CLEC16A: variants seen among roughly 807,000 people sequenced by gnomAD.
CLEC16A encodes the protein protein CLEC16A.
CLEC16A carries 51 observed loss-of-function variants against 109.5 expected under a neutral mutation model. That is an observed-to-expected ratio of 0.47 (90% CI 0.37 to 0.59). The LOEUF (loss-of-function observed/expected upper bound fraction) is 0.59. Among genes scored for constraint, CLEC16A ranks in the 20% least tolerant of loss-of-function variants. The pLI is 0.00. For synonymous variants in CLEC16A, 673 were observed against 564.2 expected, an observed-to-expected ratio of 1.19 and a Z score of -2.73; for missense variants, 1,339 against 1,394.0, an observed-to-expected ratio of 0.96 and a Z score of 0.63.
Position 11,178,530 on chromosome 16 carries a change from C to G in CLEC16A, c.3002C>G (p.Thr1001Arg). ...CTGCTCTGCGAGGACACGGCTGACA[C>G]GCTGAGCGTCGAATCGCTGACCCTT... ...ISLLCEDTAD[T>R]LSVESLTLVP... The change falls in exon 24 of 24, where the codon ACG becomes AGG. Residue 1001 changes from threonine to arginine, a missense_variant. Transcript: ENST00000409790. The surrounding 1 kb of genome is among the most constrained non-coding windows in gnomAD (Gnocchi z 6.5). The G allele has an allele frequency of 6.2e-7, 1 of 1,613,204 alleles. No homozygotes were observed.
chr16:11,148,172 G>C (rs115011950), intron 22 of CLEC16A, among the ~76,000 whole-genome samples: 2 of 152,190 alleles, frequency 1.3e-5, no homozygotes, highest in Non-Finnish European at 2.9e-5. Flanking sequence ...TGAGTAGTTC[G>C]TGTTGTGGAT....
intron 10 of CLEC16A, among the ~76,000 whole-genome samples, chr16:10,989,316 G>T (rs994143292): frequency 6.6e-6 from 1 of 152,128 alleles, no homozygotes; most frequent in Non-Finnish European, 1.5e-5. Context: ...AGCCTCCCCA[G>T]GTCAAACGAT....
intron 11 of CLEC16A, among the ~76,000 whole-genome samples, chr16:11,015,067 A>C (rs1169005326): frequency 6.6e-6 from 1 of 152,220 alleles, no homozygotes; most frequent in Non-Finnish European, 1.5e-5. Context: ...TGGCAGACCT[A>C]TAAGGGTTGT....
At chr16:11,136,907 G>T (rs190075142) in intron 22 of CLEC16A, among the ~76,000 whole-genome samples, 1 of 152,308 alleles carries the variant, frequency 6.6e-6, no homozygotes, top group African/African-American at 2.4e-5. Context: ...TCATTCCTCA[G>T]TGCCCAGTGT....
At chr16:11,092,263 G>A (rs2050345405) in intron 19 of CLEC16A, among the ~76,000 whole-genome samples, 1 of 151,998 alleles carries the variant, frequency 6.6e-6, no homozygotes, top group African/African-American at 2.4e-5. Flanking sequence ...AGGATCGCTT[G>A]AGCCCAGCAG....
At chr16:11,131,503 C>T (rs775784931) in intron 22 of CLEC16A, among the ~76,000 whole-genome samples, 2 of 152,214 alleles carry the variant, frequency 1.3e-5, no homozygotes, top group Non-Finnish European at 2.9e-5. Flanking sequence ...GAGCTGCTTA[C>T]AGGTGTTACC....
chr16:11,003,083 A>G lies in CLEC16A; in HGVS notation c.1081A>G (p.Ser361Gly), dbSNP rs745883424. 2.5e-6 allele frequency: 4 copies of G among 1,611,042 alleles called. No homozygotes were observed. The highest frequency in any genetic ancestry group is 3.4e-6 in the Non-Finnish European group (4 of 1,178,982). ...QDIQRSSAKP[S>G]IRCFIKPTET... ...CGTTGGACTTTCCTAGGCCAAGCCC[A>G]GCATTCGGTGCTTCATTAAACCCAC... is the stretch of plus-strand genomic sequence containing the variant. Residue 361 changes from serine (S) to glycine (G), a missense_variant, in exon 11 of 24, where the codon AGC becomes GGC. Around this residue, in one of 3 missense-constraint regions of CLEC16A, gnomAD observed 1,061 missense variants for 1,006.8 expected, o/e 1.05. Coordinates refer to ENST00000409790, the MANE Select transcript of CLEC16A (RefSeq NM_015226.3).
chr16:11,138,859 A>G (rs767984820), intron 22 of CLEC16A, among the ~76,000 whole-genome samples: 1 of 152,024 alleles, frequency 6.6e-6, no homozygotes, highest in Non-Finnish European at 1.5e-5. Flanking sequence ...GTGGTGGCCA[A>G]TTTTTTGTCC....
intron 19 of CLEC16A, among the ~76,000 whole-genome samples, chr16:11,092,564 A>G (rs2050374966): frequency 6.6e-6 from 1 of 152,182 alleles, no homozygotes; most frequent in Non-Finnish European, 1.5e-5. Flanking sequence ...AAAAAAGCCC[A>G]TGCTTAAACC....
chr16:11,104,962 C>T (rs571653752), intron 19 of CLEC16A, among the ~76,000 whole-genome samples: 48 of 152,254 alleles, frequency 3.2e-4, no homozygotes, highest in African/African-American at 1.1e-3. Context: ...TGCTGAACAG[C>T]GGGGAAGAGG....
At chr16:11,082,840 G>A (rs868278291) in intron 19 of CLEC16A, among the ~76,000 whole-genome samples, 1 of 152,188 alleles carries the variant, frequency 6.6e-6, no homozygotes, top group East Asian at 1.9e-4. Flanking sequence ...GTGTGTGGGC[G>A]TGGGGTTATA....
chr16:10,947,368 C>T (rs1596687523), intron 1 of CLEC16A, among the ~76,000 whole-genome samples: 1 of 152,118 alleles, frequency 6.6e-6, no homozygotes, highest in African/African-American at 2.4e-5. Context: ...GTGGGGGAGA[C>T]AGCTGTAGAG....
chr16:11,178,927 G>A lies in CLEC16A; in HGVS notation c.*237G>A. 1 of 475,510 alleles carries A rather than the reference G, an allele frequency of 2.1e-6. No homozygotes were observed. The highest frequency in any genetic ancestry group is 3.7e-6 in the Non-Finnish European group (1 of 271,100). 29.5% of individuals were successfully genotyped at this position (475,510 alleles called of 1,614,324 possible). On this transcript the variant is annotated 3_prime_UTR_variant, in exon 24 of 24. Transcript: ENST00000409790. This position sits in a 1 kb window ranked among gnomAD's most constrained non-coding sequence, Gnocchi z 6.5. Reference sequence around the variant, plus strand: ...GACCAGCGGAGACACCGCGGCGAATGCAGATGACTGCACCGGCCACTCAGG... The same window carrying A: ...GACCAGCGGAGACACCGCGGCGAATACAGATGACTGCACCGGCCACTCAGG...
At position 11,013,306 on chromosome 16, in the gene CLEC16A, C is replaced by T. The variant is rs549752644; in HGVS notation, c.1304-6887C>T. On this transcript the variant is annotated intron_variant, in intron 11 of 23. Coordinates refer to ENST00000409790, the MANE Select transcript of CLEC16A (RefSeq NM_015226.3). Reference sequence around the variant, plus strand: ...TCTGAGCATCCTTCCTTTCCCCATTCAGAGTGGATTTGGTATTCATTTAAA... The same window carrying T: ...TCTGAGCATCCTTCCTTTCCCCATTTAGAGTGGATTTGGTATTCATTTAAA... Among the ~76,000 whole-genome samples, 36 of 152,290 alleles carry T rather than the reference C, an allele frequency of 2.4e-4. No individual in the cohort carries two copies. In the South Asian group the frequency reaches 3.9e-3, roughly 17 times the overall value.
chr16:11,041,969 C>G (rs1429033063), intron 14 of CLEC16A: 2 of 347,830 alleles, frequency 5.7e-6, no homozygotes, highest in Non-Finnish European at 1.1e-5. Flanking sequence ...GGCCACTTTC[C>G]AGGCCTCAAC....
chr16:11,180,465 TG>T lies in CLEC16A; in HGVS notation c.*1777del. 1 of 152,620 alleles carries T rather than the reference TG, an allele frequency of 6.6e-6. No homozygotes were observed. The highest frequency in any genetic ancestry group is 1.5e-5 in the Non-Finnish European group (1 of 68,298). 9.5% of individuals were successfully genotyped at this position (152,620 alleles called of 1,614,324 possible). A position where few individuals can be genotyped will look rare whatever the true frequency, so the allele number is the denominator to read the frequency against. On this transcript the variant is annotated 3_prime_UTR_variant, in exon 24 of 24. Transcript: ENST00000409790. The stretch of plus-strand genomic sequence containing the variant: ...CCACCGTGGCCATCTGCAGAATCCC[TG>T]GAAGAGAAGGAAGGCAGGGTGGAGC...
At chr16:11,095,196 A>G (rs1406267105) in intron 19 of CLEC16A, among the ~76,000 whole-genome samples, 1 of 151,824 alleles carries the variant, frequency 6.6e-6, no homozygotes, top group Non-Finnish European at 1.5e-5. Context: ...CGGTAATGTT[A>G]TGGAACGTGG....
chr16:10,975,764 G>A (rs972708467), intron 7 of CLEC16A, among the ~76,000 whole-genome samples: 3 of 151,692 alleles, frequency 2.0e-5, no homozygotes, highest in African/African-American at 7.3e-5. Flanking sequence ...CTTGTGCCTC[G>A]GCCTCCTGAA....
At chr16:10,965,643 G>A (rs2042465028) in intron 3 of CLEC16A, among the ~76,000 whole-genome samples, 2 of 152,212 alleles carry the variant, frequency 1.3e-5, no homozygotes, top group South Asian at 4.1e-4. Context: ...TGCACCTGTT[G>A]CCTGTTGGGG....
Sources: allele counts gnomAD v4.1 joint callset (sites outside exome capture counted in the v4.1 genomes callset), GRCh38; gene constraint gnomAD v4.1.1; regional missense constraint gnomAD v4.1.1; non-coding constraint Gnocchi (gnomAD v3.1); transcripts MANE v1.5; gene names NCBI Gene and HGNC (gene_info 2026-07-23, HGNC 2026-07-21).